FLRT2: variants seen among roughly 807,000 people sequenced by gnomAD.
FLRT2 encodes the protein leucine-rich repeat transmembrane protein FLRT2.
Under a neutral mutation model 40.0 loss-of-function variants are expected in FLRT2, and 15 were observed. That is an observed-to-expected ratio of 0.38 (90% confidence interval 0.25 to 0.58). The LOEUF (loss-of-function observed/expected upper bound fraction) is 0.58. Among genes scored for constraint, FLRT2 ranks in the 20% least tolerant of loss-of-function variants. FLRT2 has a pLI of 0.71. For synonymous variants in FLRT2, 380 were observed against 336.8 expected, an observed-to-expected ratio of 1.13 and a Z score of -1.41; for missense variants, 726 against 840.0, an observed-to-expected ratio of 0.86 and a Z score of 1.68.
chr14:85,567,790 G>A (rs1029607490), intron 1 of FLRT2, among the ~76,000 whole-genome samples: 1 of 151,898 alleles, frequency 6.6e-6, no homozygotes, highest in Admixed American at 6.6e-5. Flanking sequence ...ACAGGGGCGC[G>A]CCACCATGGC....
chr14:85,570,616 C>T (rs571525152), intron 1 of FLRT2, among the ~76,000 whole-genome samples: 1 of 150,296 alleles, frequency 6.7e-6, no homozygotes, highest in East Asian at 2.0e-4. Context: ...GAATCTCACT[C>T]TGTCGCCCAG....
Position 85,633,031 on chromosome 14 carries a change from T to C in FLRT2, c.*9534T>C, listed in dbSNP as rs1893920222. The C allele has an allele frequency of 6.6e-6, 1 of 152,248 alleles. No individual in the cohort carries two copies. The highest frequency in any genetic ancestry group is 2.4e-5 in the African/African-American group (1 of 41,458). 9.4% of individuals were successfully genotyped at this position (152,248 alleles called of 1,614,324 possible). On this transcript the variant is annotated 3_prime_UTR_variant, in exon 2 of 2. Coordinates refer to ENST00000330753, the MANE Select transcript of FLRT2 (RefSeq NM_013231.6). ...GACATGAAGCACCATGTATTTTTCA[T>C]GCAGATGTAATTCACAAGCACATGG...
chr14:85,577,119 G>A (rs1161366788), intron 1 of FLRT2, among the ~76,000 whole-genome samples: 2 of 152,162 alleles, frequency 1.3e-5, no homozygotes, highest in Non-Finnish European at 2.9e-5. Flanking sequence ...TTCGCTTGGG[G>A]TTGGTAAATC....
At chr14:85,553,600 A>G (rs1260051730) in intron 1 of FLRT2, among the ~76,000 whole-genome samples, 1 of 152,204 alleles carries the variant, frequency 6.6e-6, no homozygotes, top group South Asian at 2.1e-4. Context: ...GACTACGGAC[A>G]TTAGATTCAC....
intron 1 of FLRT2, among the ~76,000 whole-genome samples, chr14:85,537,450 A>G (rs1288281958): frequency 1.3e-5 from 2 of 152,182 alleles, no homozygotes; most frequent in Non-Finnish European, 2.9e-5. Context: ...CTTACTTCAG[A>G]CAACTTTCTT....
At chr14:85,543,767 G>A (rs772905756) in intron 1 of FLRT2, among the ~76,000 whole-genome samples, 6 of 151,950 alleles carry the variant, frequency 3.9e-5, no homozygotes, top group Non-Finnish European at 7.4e-5. Context: ...GAACATTATC[G>A]CATACTCTCC....
chr14:85,589,980 ACGC>A (rs915968740), intron 1 of FLRT2, among the ~76,000 whole-genome samples: 1 of 151,144 alleles, frequency 6.6e-6, no homozygotes, highest in African/African-American at 2.4e-5. Flanking sequence ...TGCCAGTACC[ACGC>A]TGTTTTGGTT....
chr14:85,568,219 GA>G (rs1423149509), intron 1 of FLRT2, among the ~76,000 whole-genome samples: 1 of 151,216 alleles, frequency 6.6e-6, no homozygotes, highest in Admixed American at 6.6e-5. Flanking sequence ...TCTGCGGGGG[GA>G]TGATTGCTGG....
At position 85,652,978 on chromosome 14, in the gene FLRT2, G is replaced by A. The variant is rs1170287093; in HGVS notation, c.*29481G>A. ...GTCATAGTTCATTCTGTGAGTGGAA[G>A]TTGCCTTTAACCACATGAGAACAAA... On this transcript the variant is annotated 3_prime_UTR_variant, in exon 2 of 2. Coordinates refer to ENST00000330753, the MANE Select transcript of FLRT2 (RefSeq NM_013231.6). 1.3e-5 allele frequency: 2 copies of A among 152,106 alleles called. No homozygotes were observed. The highest frequency in any genetic ancestry group is 4.8e-5 in the African/African-American group (2 of 41,428). 9.4% of individuals were successfully genotyped at this position (152,106 alleles called of 1,614,324 possible). A position where few individuals can be genotyped will look rare whatever the true frequency, so the allele number is the denominator to read the frequency against.
Position 85,645,766 on chromosome 14 carries a change from C to T in FLRT2, c.*22269C>T, listed in dbSNP as rs980349802. On this transcript the variant is annotated 3_prime_UTR_variant, in exon 2 of 2. Transcript: ENST00000330753. The stretch of plus-strand genomic sequence containing the variant: ...CCCCAGCCACCCTCCTCACGTCTTG[C>T]TCAATGACTTCATGAATGAAAAGTT... 6 of 152,086 alleles carry T rather than the reference C, an allele frequency of 3.9e-5. No homozygotes were observed. 9.4% of individuals were successfully genotyped at this position (152,086 alleles called of 1,614,324 possible).
chr14:85,619,818 T>G (rs1282233383), intron 1 of FLRT2, among the ~76,000 whole-genome samples: 3 of 152,202 alleles, frequency 2.0e-5, no homozygotes, highest in African/African-American at 4.8e-5. Context: ...TAAAAACAGA[T>G]AGAATACATT....
chr14:85,577,626 G>A (rs958871495), intron 1 of FLRT2, among the ~76,000 whole-genome samples: 2 of 151,156 alleles, frequency 1.3e-5, no homozygotes, highest in African/African-American at 4.9e-5. Context: ...TCACCGTGTT[G>A]CCCAGGTCAG....
intron 1 of FLRT2, among the ~76,000 whole-genome samples, chr14:85,554,988 C>T (rs754205894): frequency 2.0e-5 from 3 of 152,132 alleles, no homozygotes; most frequent in Non-Finnish European, 4.4e-5. Context: ...TAATGCCTAT[C>T]TATTGGAGAT....
intron 1 of FLRT2, among the ~76,000 whole-genome samples, chr14:85,583,722 A>C (rs141422916): frequency 4.6e-5 from 7 of 152,340 alleles, no homozygotes; most frequent in African/African-American, 1.7e-4. Context: ...GTTGATTGCC[A>C]TGCCCTAGAA....
rs1223467033 is a variant in FLRT2 at position 85,650,825 on chromosome 14, C to T, written c.*27328C>T. 1 of 151,482 alleles carries T rather than the reference C, an allele frequency of 6.6e-6. No homozygotes were observed. Among genetic ancestry groups the T allele is most frequent in the East Asian group, 1.9e-4 (1 of 5,148 alleles). 9.4% of individuals were successfully genotyped at this position (151,482 alleles called of 1,614,324 possible). ...TGGTGTTAGCTAGCTATATTCTTTG[C>T]AATAATTATTAAAATTTTCTTTTTC... On this transcript the variant is annotated 3_prime_UTR_variant, in exon 2 of 2. Transcript: ENST00000330753.
At chr14:85,549,303 G>A (rs1033150104) in intron 1 of FLRT2, among the ~76,000 whole-genome samples, 1 of 152,006 alleles carries the variant, frequency 6.6e-6, no homozygotes, top group African/African-American at 2.4e-5. Flanking sequence ...TGGGACTCTG[G>A]GGGCTTGTGG....
Position 85,632,327 on chromosome 14 carries a change from C to G in FLRT2, c.*8830C>G, listed in dbSNP as rs1362009107. On this transcript the variant is annotated 3_prime_UTR_variant, in exon 2 of 2. Coordinates refer to ENST00000330753, the MANE Select transcript of FLRT2 (RefSeq NM_013231.6). ...TCTACTAAAAATACAAAAAATTTAG[C>G]CGGGCTTGGTGGTGCGTGCCTGTAG... The G allele has an allele frequency of 6.6e-6, 1 of 151,714 alleles. No individual in the cohort carries two copies. The highest frequency in any genetic ancestry group is 1.5e-5 in the Non-Finnish European group (1 of 68,014). 9.4% of individuals were successfully genotyped at this position (151,714 alleles called of 1,614,324 possible).
rs1046545726 is a variant in FLRT2, at chr14:85,642,005, T to A, written c.*18508T>A. On this transcript the variant is annotated 3_prime_UTR_variant, in exon 2 of 2. Transcript: ENST00000330753. Reference sequence around the variant, plus strand: ...AATAATTGTGAGGTAGGCTGAAGCATGTATAGAAAGAAAACAACAAATTCA... The same window carrying A: ...AATAATTGTGAGGTAGGCTGAAGCAAGTATAGAAAGAAAACAACAAATTCA... 6.6e-6 allele frequency: 1 copy of A among 151,900 alleles called. No individual in the cohort carries two copies. The highest frequency in any genetic ancestry group is 1.5e-5 in the Non-Finnish European group (1 of 67,996). 9.4% of individuals were successfully genotyped at this position (151,900 alleles called of 1,614,324 possible).
At position 85,621,524 on chromosome 14, in the gene FLRT2, C is replaced by G; in HGVS notation, c.10C>G (p.Gln4Glu). The G allele has an allele frequency of 3.1e-6, 5 of 1,608,326 alleles. No individual in the cohort carries two copies. The highest frequency in any genetic ancestry group is 4.2e-6 in the Non-Finnish European group (5 of 1,177,222). MGL[Q>E]TTKWPSHGAF... is the part of the protein sequence containing the mutation. Reference sequence around the variant, plus strand: ...TTTCCGTACTTCAGAAATGGGCCTACAGACCACAAAGTGGCCCAGCCATGG... The same window carrying G: ...TTTCCGTACTTCAGAAATGGGCCTAGAGACCACAAAGTGGCCCAGCCATGG... The change falls in exon 2 of 2, where the codon CAG becomes GAG. Residue 4 changes from glutamine to glutamate, a missense_variant. Gln to Glu is a conservative substitution (Grantham distance 29, BLOSUM62 2). Coordinates refer to ENST00000330753, the MANE Select transcript of FLRT2 (RefSeq NM_013231.6).
Sources: allele counts gnomAD v4.1 joint callset (sites outside exome capture counted in the v4.1 genomes callset), GRCh38; gene constraint gnomAD v4.1.1; transcripts MANE v1.5; gene names NCBI Gene and HGNC (gene_info 2026-07-23, HGNC 2026-07-21).